PSD3: variants seen among roughly 807,000 people sequenced by gnomAD.
PSD3 encodes PH and SEC7 domain-containing protein 3.
PSD3 carries 49 observed loss-of-function variants against 105.5 expected under a neutral mutation model. The observed-to-expected ratio is 0.46, with a 90% CI of 0.37 to 0.59. The LOEUF (loss-of-function observed/expected upper bound fraction) is 0.59, where lower values mean the gene tolerates loss of function less well. Ranked by LOEUF, PSD3 falls within the 20% of genes least tolerant of loss-of-function variation. PSD3 has a pLI of 0.00. For missense variants in PSD3, 1,561 were observed against 1,263.8 expected (o/e 1.24, Z -3.57); for synonymous variants, 557 against 457.8 (o/e 1.22, Z -2.77).
At chr8:18,906,714 T>A (rs551129124) in intron 2 of PSD3, among the ~76,000 whole-genome samples, 1 of 152,266 alleles carries the variant, frequency 6.6e-6, no homozygotes, top group Admixed American at 6.5e-5. Flanking sequence ...TATTTAAAAC[T>A]CAGATTTAGA....
At chr8:18,691,006 A>G (rs938955554) in intron 9 of PSD3, among the ~76,000 whole-genome samples, 11 of 132,452 alleles carry the variant, frequency 8.3e-5, no homozygotes, top group African/African-American at 2.3e-4. Flanking sequence ...GGTTAGGAGT[A>G]AAAAAAAAAA....
chr8:18,875,698 G>C (rs1817689836), intron 2 of PSD3, among the ~76,000 whole-genome samples: 1 of 152,082 alleles, frequency 6.6e-6, no homozygotes, highest in Non-Finnish European at 1.5e-5. Context: ...ACCATGCCTG[G>C]CTAATTTTTT....
intron 9 of PSD3, among the ~76,000 whole-genome samples, chr8:18,752,296 T>C (rs557900736): frequency 2.0e-5 from 3 of 149,648 alleles, no homozygotes; most frequent in Non-Finnish European, 4.4e-5. Flanking sequence ...ATTTCTTTAA[T>C]GAGTATTTGT....
rs551441988 is a variant in PSD3 at position 18,662,890 on chromosome 8, C to T, written c.2173-7205G>A. Among the ~76,000 whole-genome samples the T allele has an allele frequency of 1.4e-3, 207 of 152,074 alleles. 1 individual carries two copies. The highest frequency in any genetic ancestry group is 4.8e-3 in the African/African-American group (199 of 41,488). ...TGCACATTTTAAAATTGCAAATGAA[C>T]GAACAAGAATAGGAGAGGGAGTGGG... On this transcript the variant is annotated intron_variant, in intron 9 of 15. Coordinates refer to ENST00000327040, the MANE Select transcript of PSD3 (RefSeq NM_015310.4).
At chr8:18,608,099 A>G (rs1260759490) in intron 11 of PSD3, among the ~76,000 whole-genome samples, 1 of 152,186 alleles carries the variant, frequency 6.6e-6, no homozygotes, top group Admixed American at 6.5e-5. Flanking sequence ...GCATGCCTAT[A>G]TTCCCAGCTA....
chr8:18,845,657 G>A (rs1815025133), intron 4 of PSD3, among the ~76,000 whole-genome samples: 1 of 152,132 alleles, frequency 6.6e-6, no homozygotes, highest in Non-Finnish European at 1.5e-5. Context: ...GCAGAAGAGG[G>A]TGGGTGTGGT....
chr8:18,813,874 G>A (rs976265904), intron 4 of PSD3, among the ~76,000 whole-genome samples: 5 of 152,102 alleles, frequency 3.3e-5, no homozygotes, highest in Admixed American at 6.6e-5. Context: ...TCTGGCATAC[G>A]GTAAACAAAA....
intron 1 of PSD3, among the ~76,000 whole-genome samples, chr8:18,981,073 C>T (rs1357996822): frequency 6.6e-6 from 1 of 152,114 alleles, no homozygotes; most frequent in Admixed American, 6.6e-5. Context: ...CCGTGAGTTT[C>T]CCTTTGTTAT....
At chr8:18,749,291 C>T (rs1206750523) in intron 9 of PSD3, among the ~76,000 whole-genome samples, 1 of 152,176 alleles carries the variant, frequency 6.6e-6, no homozygotes, top group Admixed American at 6.5e-5. Context: ...ACCAGAGTCC[C>T]TTCTACTCCA....
intron 11 of PSD3, among the ~76,000 whole-genome samples, chr8:18,600,863 T>G (rs943973287): frequency 1.8e-4 from 27 of 152,306 alleles, no homozygotes; most frequent in Middle Eastern, 3.4e-3. Flanking sequence ...TCAGAGACTC[T>G]AGAAATCACG....
intron 2 of PSD3, among the ~76,000 whole-genome samples, chr8:18,872,948 G>A (rs1023503862): frequency 3.9e-5 from 6 of 151,946 alleles, no homozygotes; most frequent in African/African-American, 4.8e-5. Flanking sequence ...CAAAACTTTC[G>A]GCCTAGAAGG....
intron 2 of PSD3, among the ~76,000 whole-genome samples, chr8:18,893,409 G>T (rs576729385): frequency 3.7e-4 from 57 of 152,298 alleles, no homozygotes; most frequent in Middle Eastern, 3.4e-3. Context: ...AGCCAGAAGG[G>T]CTCGATAAAC....
chr8:18,741,081 T>C (rs919396300), intron 9 of PSD3, among the ~76,000 whole-genome samples: 5 of 152,190 alleles, frequency 3.3e-5, no homozygotes, highest in African/African-American at 1.2e-4. Context: ...TAAAATATTG[T>C]TTTCTGTTGT....
chr8:19,023,434 T>A (rs1354223552), intron 1 of PSD3, among the ~76,000 whole-genome samples: 4 of 126,842 alleles, frequency 3.2e-5, no homozygotes, highest in African/African-American at 1.2e-4. Context: ...TTTATTTATT[T>A]ATTATTTCTT....
At chr8:18,592,953 A>G (rs188860095) in intron 12 of PSD3, among the ~76,000 whole-genome samples, 2,037 of 152,286 alleles carry the variant, frequency 0.013, 54 homozygotes, top group Non-Finnish European at 0.013. Context: ...CCTTCCTTAC[A>G]CCTTATACAA....
chr8:19,059,219 G>A (rs79553172), intron 1 of PSD3, among the ~76,000 whole-genome samples: 1 of 152,214 alleles, frequency 6.6e-6, no homozygotes, highest in African/African-American at 2.4e-5. Flanking sequence ...GCTTCACAGT[G>A]CCAGGAATCA....
At chr8:18,559,189 A>G (rs562455667) in intron 14 of PSD3, among the ~76,000 whole-genome samples, 11 of 152,374 alleles carry the variant, frequency 7.2e-5, no homozygotes, top group African/African-American at 2.4e-4. Context: ...CGCATCTTTA[A>G]GATGACTGTT....
chr8:18,995,916 G>T (rs74610272), intron 1 of PSD3, among the ~76,000 whole-genome samples: 1,691 of 152,032 alleles, frequency 0.011, 56 homozygotes, highest in Admixed American at 0.063. Context: ...GACCAGATTT[G>T]GGTGGGGACA....
At chr8:18,791,947 C>T (rs1031287535) in intron 8 of PSD3, among the ~76,000 whole-genome samples, 10 of 152,110 alleles carry the variant, frequency 6.6e-5, no homozygotes, top group Middle Eastern at 3.4e-3. Context: ...GACATATATG[C>T]GGCCAAGAAA....
Sources: allele counts gnomAD v4.1 joint callset (sites outside exome capture counted in the v4.1 genomes callset), GRCh38; gene constraint gnomAD v4.1.1; transcripts MANE v1.5; gene names NCBI Gene and HGNC (gene_info 2026-07-23, HGNC 2026-07-21).